Variants in COA1 observed in about 807,000 individuals in gnomAD.
COA1 encodes cytochrome c oxidase assembly factor 1 homolog.
COA1 carries 13 observed loss-of-function variants against 16.0 expected under a neutral mutation model. That is an observed-to-expected ratio of 0.81 (90% CI 0.53 to 1.29). COA1 has a LOEUF of 1.29. Ranked by LOEUF, COA1 falls within the 50% of genes most tolerant of loss-of-function variation. COA1 has a pLI of 0.00. For synonymous variants in COA1, 65 were observed against 65.7 expected, an observed-to-expected ratio of 0.99 and a Z score of 0.05; for missense variants, 179 against 177.0, an observed-to-expected ratio of 1.01 and a Z score of -0.06.
In COA1 at chr7:43,690,450, C is replaced by T. The variant is rs547816941; in HGVS notation, c.-39+38979G>A. On this transcript the variant is annotated intron_variant, in intron 1 of 5. Transcript: ENST00000223336. ...ATATATACACACACACACATATATACACACACACACATATATGTATATACA... is the reference window on the plus strand; with the variant it reads ...ATATATACACACACACACATATATATACACACACACATATATGTATATACA... 4.6e-5 allele frequency among the ~76,000 whole-genome samples: 7 copies of T among 151,744 alleles called. No individual in the cohort carries two copies. In the South Asian group the frequency reaches 8.3e-4, roughly 18 times the overall value.
intron 1 of COA1, among the ~76,000 whole-genome samples, chr7:43,692,750 C>T (rs150181457): frequency 6.6e-6 from 1 of 152,168 alleles, no homozygotes; most frequent in East Asian, 1.9e-4. Context: ...TATGACTAGG[C>T]AATTCACAAG....
chr7:43,615,680 T>C (rs940606811), intron 6 of COA1, among the ~76,000 whole-genome samples: 1 of 152,072 alleles, frequency 6.6e-6, no homozygotes, highest in Non-Finnish European at 1.5e-5. Context: ...GCCATTTCCT[T>C]TCCAACCTCA....
chr7:43,723,635 A>G (rs76026367), intron 1 of COA1, among the ~76,000 whole-genome samples: 2 of 149,964 alleles, frequency 1.3e-5, no homozygotes, highest in Non-Finnish European at 3.0e-5. Flanking sequence ...AAGCATTAAG[A>G]AAAAAAAAAG....
chr7:43,710,375 A>AATATATATATATATATAT (rs1554558920), intron 1 of COA1, among the ~76,000 whole-genome samples: 11 of 36,446 alleles, frequency 3.0e-4, no homozygotes, highest in African/African-American at 5.2e-4. Context: ...AAAAAAAAAA[A>AATATATATATATATATAT]ATATATATAT....
intron 6 of COA1, chr7:43,623,889 G>A (rs1243644101): frequency 6.6e-7 from 1 of 1,507,728 alleles, no homozygotes; most frequent in Non-Finnish European, 8.8e-7. Flanking sequence ...AGAAACCTGA[G>A]TAAGTATTAT....
intron 1 of COA1, among the ~76,000 whole-genome samples, chr7:43,679,748 G>A (rs966060183): frequency 2.0e-5 from 3 of 152,196 alleles, no homozygotes; most frequent in African/African-American, 7.2e-5. Context: ...GTCAAGGATA[G>A]TGGAGTATGC....
intron 1 of COA1, chr7:43,665,803 TCTCA>T (rs903944630): frequency 2.0e-5 from 3 of 152,146 alleles, no homozygotes; most frequent in African/African-American, 7.2e-5. Flanking sequence ...CTGAGAACTC[TCTCA>T]CTATCACAAG....
At chr7:43,621,823 A>G (rs559821354) in intron 6 of COA1, among the ~76,000 whole-genome samples, 4 of 152,176 alleles carry the variant, frequency 2.6e-5, no homozygotes, top group East Asian at 3.9e-4. Context: ...TCAAAAGTAC[A>G]TAATACAGAA....
chr7:43,715,993 G>A (rs994390951), intron 1 of COA1, among the ~76,000 whole-genome samples: 8 of 152,168 alleles, frequency 5.3e-5, no homozygotes, highest in Admixed American at 2.6e-4. Context: ...ATGTAAGATA[G>A]GACTTGCTCC....
At chr7:43,619,605 T>A in intron 6 of COA1, 1 of 1,613,554 alleles carries the variant, frequency 6.2e-7, no homozygotes, top group Non-Finnish European at 8.5e-7. Flanking sequence ...AGCCTCAGAA[T>A]ATTCTGTTGA....
Position 43,648,664 on chromosome 7 carries a change from A to G in COA1, c.-38-12T>C, listed in dbSNP as rs758013455. ...AAAGGCAAGTTGTCCTGCAATTAGA[A>G]AAGATTTTACATTAAAATCATATTT... On this transcript the variant is annotated splice_polypyrimidine_tract_variant and intron_variant, in intron 1 of 5. Coordinates refer to ENST00000223336, the MANE Select transcript of COA1 (RefSeq NM_018224.4). 3.1e-6 allele frequency: 5 copies of G among 1,598,500 alleles called. No individual in the cohort carries two copies. The highest frequency in any genetic ancestry group is 1.1e-5 in the South Asian group (1 of 90,536).
intron 1 of COA1, among the ~76,000 whole-genome samples, chr7:43,651,689 T>TA (rs539990413): frequency 0.04 from 4,247 of 106,932 alleles, 86 homozygotes; most frequent in Non-Finnish European, 0.052. Context: ...AGGAAGAGCT[T>TA]AAAAAAAAAA....
At chr7:43,652,896 T>G (rs1052792928) in intron 1 of COA1, among the ~76,000 whole-genome samples, 1 of 151,098 alleles carries the variant, frequency 6.6e-6, no homozygotes, top group Non-Finnish European at 1.5e-5. Flanking sequence ...GGGGGGACAG[T>G]GGAAAGATAG....
At chr7:43,665,028 A>AT (rs2092782508) in intron 1 of COA1, among the ~76,000 whole-genome samples, 1 of 152,230 alleles carries the variant, frequency 6.6e-6, no homozygotes, top group Non-Finnish European at 1.5e-5. Flanking sequence ...TTTCAAAATT[A>AT]TTTTGAAACT....
chr7:43,616,838 A>C (rs190430429), intron 6 of COA1, among the ~76,000 whole-genome samples: 14 of 152,308 alleles, frequency 9.2e-5, no homozygotes, highest in South Asian at 4.1e-4. Context: ...TGGAGCTTGC[A>C]GTAAGCCGAG....
At chr7:43,685,784 T>G (rs2093994967) in intron 1 of COA1, among the ~76,000 whole-genome samples, 1 of 152,198 alleles carries the variant, frequency 6.6e-6, no homozygotes, top group Non-Finnish European at 1.5e-5. Flanking sequence ...AAGACTGATG[T>G]TTTTTAAGTG....
At chr7:43,658,083 G>T (rs910984664) in intron 1 of COA1, among the ~76,000 whole-genome samples, 6 of 148,888 alleles carry the variant, frequency 4.0e-5, no homozygotes, top group African/African-American at 1.5e-4. Context: ...TTTTAAAAAA[G>T]TTACTGCTGA....
intron 6 of COA1, chr7:43,624,794 AT>A: frequency 1.2e-6 from 2 of 1,610,288 alleles, no homozygotes; most frequent in Non-Finnish European, 1.7e-6. Context: ...AACGATTTAA[AT>A]TTGAGGAACC....
At chr7:43,697,873 A>G (rs2094578832) in intron 1 of COA1, among the ~76,000 whole-genome samples, 1 of 152,222 alleles carries the variant, frequency 6.6e-6, no homozygotes, top group Non-Finnish European at 1.5e-5. Context: ...AAGCAGACAC[A>G]CCACAGCAAA....
Sources: allele counts gnomAD v4.1 joint callset (sites outside exome capture counted in the v4.1 genomes callset), GRCh38; gene constraint gnomAD v4.1.1; transcripts MANE v1.5; gene names NCBI Gene and HGNC (gene_info 2026-07-23, HGNC 2026-07-21).